PTPRE: variants seen among roughly 807,000 people sequenced by gnomAD.
The protein encoded by PTPRE is receptor-type tyrosine-protein phosphatase epsilon.
Under a neutral mutation model 102.0 loss-of-function variants are expected in PTPRE, and 51 were observed. The observed-to-expected ratio is 0.50, with a 90% CI of 0.40 to 0.63. The LOEUF is 0.63. PTPRE is among the 30% of genes least tolerant of loss of function. The pLI is 0.00. For missense variants in PTPRE, 752 were observed against 915.1 expected, an observed-to-expected ratio of 0.82 and a Z score of 2.30; for synonymous variants, 345 against 348.2, an observed-to-expected ratio of 0.99 and a Z score of 0.10.
intron 8 of PTPRE, among the ~76,000 whole-genome samples, 164 bp downstream of exon 8, chr10:128,061,179 C>T (rs928547697): frequency 1.3e-5 from 2 of 152,162 alleles, no homozygotes; most frequent in African/African-American, 4.8e-5. Context: ...CTGGCATCAG[C>T]ATCTGGGAAT....
At chr10:128,077,590 C>T (rs368186850) in intron 18 of PTPRE, 27 bp from the exon 19 acceptor site, 13 of 1,583,006 alleles carry the variant, frequency 8.2e-6, no homozygotes, top group East Asian at 2.3e-5. Flanking sequence ...AGGCAGGCGA[C>T]GCTGAGACCC....
At chr10:128,040,104 T>C (rs1847552218) in intron 2 of PTPRE, among the ~76,000 whole-genome samples, 1 of 152,232 alleles carries the variant, frequency 6.6e-6, no homozygotes, top group African/African-American at 2.4e-5. Flanking sequence ...GGGTACTCAA[T>C]TGGCTCTGTC....
intron 2 of PTPRE, among the ~76,000 whole-genome samples, chr10:127,991,857 A>G (rs1163867520): frequency 6.6e-6 from 1 of 152,158 alleles, no homozygotes; most frequent in African/African-American, 2.4e-5. Context: ...CACCAGAGCT[A>G]TGTAGCTCCT....
intron 3 of PTPRE, among the ~76,000 whole-genome samples, chr10:128,041,457 GGCCAACACGGTGAA>G (rs1847687147): frequency 6.6e-6 from 1 of 151,990 alleles, no homozygotes; most frequent in Non-Finnish European, 1.5e-5. Flanking sequence ...AGACCATCTT[GGCCAACACGGTGAA>G]ACCCTGTCTC....
At chr10:127,949,003 T>A (rs1008225299) in intron 1 of PTPRE, among the ~76,000 whole-genome samples, 1 of 152,228 alleles carries the variant, frequency 6.6e-6, no homozygotes, top group African/African-American at 2.4e-5. Flanking sequence ...ACACCCTGCC[T>A]CTCCTGACCC....
intron 6 of PTPRE, among the ~76,000 whole-genome samples, chr10:128,055,263 C>T (rs943924517): frequency 1.3e-5 from 2 of 152,126 alleles, no homozygotes; most frequent in Non-Finnish European, 2.9e-5. Context: ...ACCTGAGCAG[C>T]GAGCAGACGC....
chr10:127,985,880 C>T (rs1254012257), intron 2 of PTPRE, among the ~76,000 whole-genome samples: 2 of 152,196 alleles, frequency 1.3e-5, no homozygotes, highest in East Asian at 3.9e-4. Context: ...CACCTGGGGC[C>T]AGGAGTTCAA....
chr10:128,049,518 T>C lies in PTPRE; in HGVS notation c.284-12T>C. On this transcript the variant is annotated splice_polypyrimidine_tract_variant and intron_variant, in intron 5 of 20. Coordinates refer to ENST00000254667, the MANE Select transcript of PTPRE (RefSeq NM_006504.6). The stretch of plus-strand genomic sequence containing the variant: ...TGGCTAAATGGCCCCCATGTTTCTT[T>C]TGATCCCACAGAGCAGCAAAGGGTG... 6.2e-7 allele frequency: 1 copy of C among 1,613,260 alleles called. No individual in the cohort carries two copies. Among genetic ancestry groups the C allele is most frequent in the East Asian group, 2.2e-5 (1 of 44,870 alleles).
chr10:127,961,849 G>A (rs1168457332), intron 1 of PTPRE, among the ~76,000 whole-genome samples: 6 of 152,122 alleles, frequency 3.9e-5, no homozygotes, highest in South Asian at 2.1e-4. Flanking sequence ...AGGACTAGCC[G>A]GGCCGGGTAC....
intron 2 of PTPRE, among the ~76,000 whole-genome samples, chr10:128,030,543 C>G (rs1301251628): frequency 6.6e-6 from 1 of 152,124 alleles, no homozygotes; most frequent in Non-Finnish European, 1.5e-5. Context: ...ACGTGTCAGT[C>G]CCCGACACCT....
intron 1 of PTPRE, among the ~76,000 whole-genome samples, chr10:127,914,844 G>A (rs1846102285): frequency 6.6e-6 from 1 of 152,176 alleles, no homozygotes; most frequent in Admixed American, 6.5e-5. Context: ...TGCTGGGCAC[G>A]AGATAAGGAC....
At chr10:127,979,551 C>G (rs1415145466) in intron 1 of PTPRE, among the ~76,000 whole-genome samples, 3 of 152,282 alleles carry the variant, frequency 2.0e-5, no homozygotes, top group Admixed American at 2.0e-4. Context: ...GTAGTGCACA[C>G]CTGTAGTCCC....
intron 1 of PTPRE, among the ~76,000 whole-genome samples, chr10:127,927,602 C>G (rs1015130216): frequency 6.6e-6 from 1 of 152,214 alleles, no homozygotes; most frequent in Non-Finnish European, 1.5e-5. Flanking sequence ...CAGACCTGAA[C>G]AGTCCCCCTC....
chr10:128,055,680 C>G (rs1407971534), intron 6 of PTPRE, among the ~76,000 whole-genome samples: 24 of 152,170 alleles, frequency 1.6e-4, no homozygotes, highest in Non-Finnish European at 1.5e-5. Flanking sequence ...CATCCTTCAG[C>G]CCCAAAGTCA....
intron 1 of PTPRE, chr10:127,934,024 G>GCGCGCACA (rs1357914217): frequency 1.2e-5 from 1 of 82,296 alleles, no homozygotes; most frequent in African/African-American, 4.7e-5. Context: ...CACCCCCCGC[G>GCGCGCACA]CACACACACA....
At chr10:128,066,888 T>TCACATG (rs1430366410) in intron 11 of PTPRE, among the ~76,000 whole-genome samples, 1 of 151,158 alleles carries the variant, frequency 6.6e-6, no homozygotes, top group Non-Finnish European at 1.5e-5. Context: ...ACACAGGCAC[T>TCACATG]CACATGCACA....
At chr10:127,984,892 A>G (rs899050415) in intron 2 of PTPRE, among the ~76,000 whole-genome samples, 1 of 152,182 alleles carries the variant, frequency 6.6e-6, no homozygotes. Context: ...TATCAGCATC[A>G]TGAAAATGGA....
chr10:128,077,245 C>A (rs1324584317), intron 18 of PTPRE, among the ~76,000 whole-genome samples: 1 of 152,230 alleles, frequency 6.6e-6, no homozygotes, highest in Non-Finnish European at 1.5e-5. Context: ...CCCTGGCCAC[C>A]AGACTCAGAT....
intron 20 of PTPRE, among the ~76,000 whole-genome samples, chr10:128,081,508 A>G (rs1184490701): frequency 1.3e-5 from 2 of 152,258 alleles, no homozygotes; most frequent in Non-Finnish European, 2.9e-5. Context: ...TGTGTTAGCT[A>G]TGAAAACAGA....
Sources: allele counts gnomAD v4.1 joint callset (sites outside exome capture counted in the v4.1 genomes callset), GRCh38; gene constraint gnomAD v4.1.1; transcripts MANE v1.5; gene names NCBI Gene and HGNC (gene_info 2026-07-23, HGNC 2026-07-21).